Variants in USH2A observed in about 807,000 individuals in gnomAD.
USH2A encodes Usher syndrome 2A (autosomal recessive, mild).
USH2A carries 443 observed loss-of-function variants against 538.9 expected under a neutral mutation model. The observed-to-expected ratio is 0.82, with a 90% CI of 0.76 to 0.89. The LOEUF is 0.89. USH2A is among the 40% of genes least tolerant of loss of function. The pLI is 0.00. For synonymous variants in USH2A, 2,413 were observed against 2,273.5 expected (o/e 1.06, Z -1.75); for missense variants, 6,633 against 6,324.8 (o/e 1.05, Z -1.65).
intron 11 of USH2A, among the ~76,000 whole-genome samples, chr1:216,281,398 G>C (rs1002598514): frequency 1.3e-5 from 2 of 151,982 alleles, no homozygotes; most frequent in African/African-American, 2.4e-5. Flanking sequence ...AACCAAAAAA[G>C]TTAACATTTT....
Position 215,623,824 on chromosome 1 carries a change from C to CAAA in USH2A, c.*1954_*1956dup, listed in dbSNP as rs1325981044. ...TGATAAAGATACCTGGTTAATTTTT[C>CAAA]AAAAATCAGGATAAACTCAATCTTC... On this transcript the variant is annotated 3_prime_UTR_variant, in exon 72 of 72. Coordinates refer to ENST00000307340, the MANE Select transcript of USH2A (RefSeq NM_206933.4). 1 of 152,014 alleles carries CAAA rather than the reference C, an allele frequency of 6.6e-6. No homozygotes were observed. The highest frequency in any genetic ancestry group is 2.4e-5 in the African/African-American group (1 of 41,410). The allele number at this position is 152,014 out of a possible 1,614,324, so 9.4% of individuals were successfully genotyped here. A position where few individuals can be genotyped will look rare whatever the true frequency, so the allele number is the denominator to read the frequency against.
At chr1:216,332,695 T>C (rs1184041760) in intron 4 of USH2A, among the ~76,000 whole-genome samples, 5 of 152,104 alleles carry the variant, frequency 3.3e-5, no homozygotes, top group Admixed American at 3.3e-4. Context: ...TTTAAGAAAT[T>C]CTCTGTTCAG....
At position 216,299,578 on chromosome 1, in the gene USH2A, A is replaced by G. The variant is rs1209963296; in HGVS notation, c.1645-7208T>C. Among the ~76,000 whole-genome samples the G allele has an allele frequency of 2.6e-5, 4 of 152,162 alleles. No homozygotes were observed. In the East Asian group the frequency reaches 7.7e-4, roughly 29 times the overall value. On this transcript the variant is annotated intron_variant, in intron 9 of 71. Transcript: ENST00000307340. Reference sequence around the variant, plus strand: ...ATTTTTTCCACAGTGTACATTTATTACTAATGTATTAAAAATTGAGAGCAA... The same window carrying G: ...ATTTTTTCCACAGTGTACATTTATTGCTAATGTATTAAAAATTGAGAGCAA...
intron 9 of USH2A, among the ~76,000 whole-genome samples, chr1:216,314,318 A>G (rs1183588154): frequency 6.6e-6 from 1 of 152,180 alleles, no homozygotes; most frequent in African/African-American, 2.4e-5. Context: ...TAATATCATC[A>G]TGTCAGTGAG....
intron 19 of USH2A, among the ~76,000 whole-genome samples, chr1:216,195,121 T>G (rs2034809419): frequency 6.6e-6 from 1 of 152,134 alleles, no homozygotes; most frequent in African/African-American, 2.4e-5. Flanking sequence ...GAACACCAAA[T>G]AGCCATGCAG....
intron 61 of USH2A, among the ~76,000 whole-genome samples, chr1:215,704,804 A>G (rs1419128868): frequency 6.6e-6 from 1 of 152,162 alleles, no homozygotes; most frequent in Non-Finnish European, 1.5e-5. Flanking sequence ...CTCCATTTGG[A>G]AGAGTGTCTT....
At chr1:215,840,117 C>T (rs1408232425) in intron 46 of USH2A, among the ~76,000 whole-genome samples, 1 of 121,128 alleles carries the variant, frequency 8.3e-6, no homozygotes, top group Non-Finnish European at 1.6e-5. Flanking sequence ...GAGCCGAGAT[C>T]GTGCCAATGC....
intron 29 of USH2A, among the ~76,000 whole-genome samples, chr1:216,071,328 G>C (rs185865837): frequency 6.6e-6 from 1 of 152,310 alleles, no homozygotes; most frequent in East Asian, 1.9e-4. Flanking sequence ...TCTCTGAGCA[G>C]TTAAAACACT....
At chr1:216,273,077 C>CA (rs976958294) in intron 11 of USH2A, among the ~76,000 whole-genome samples, 4 of 151,860 alleles carry the variant, frequency 2.6e-5, no homozygotes, top group African/African-American at 9.7e-5. Flanking sequence ...AGAAGCCTCC[C>CA]AAAAAAAGCA....
chr1:216,038,941 T>C (rs1224516879), intron 32 of USH2A, among the ~76,000 whole-genome samples: 1 of 152,036 alleles, frequency 6.6e-6, no homozygotes, highest in African/African-American at 2.4e-5. Context: ...TTCCCTATCA[T>C]TTACGAACAT....
At chr1:215,655,725 CTTTTTTTTTTTTT>C (rs766225635) in intron 64 of USH2A, among the ~76,000 whole-genome samples, 5 of 96,192 alleles carry the variant, frequency 5.2e-5, no homozygotes, top group East Asian at 3.4e-4. Flanking sequence ...GCTAGTTATT[CTTTTTTTTTTTTT>C]TTTTTTTTTT....
chr1:216,421,385 C>T (rs1386523484), intron 2 of USH2A, among the ~76,000 whole-genome samples: 2 of 152,088 alleles, frequency 1.3e-5, no homozygotes, highest in Non-Finnish European at 2.9e-5. Context: ...AACAGCTCTT[C>T]TTGGGGAAAC....
intron 32 of USH2A, among the ~76,000 whole-genome samples, chr1:216,010,380 T>G (rs921040567): frequency 6.6e-6 from 1 of 152,122 alleles, no homozygotes; most frequent in Non-Finnish European, 1.5e-5. Context: ...GAAATCGGAC[T>G]GTTCAGCTCA....
chr1:215,682,050 G>A (rs1294619365), intron 61 of USH2A, among the ~76,000 whole-genome samples: 1 of 152,096 alleles, frequency 6.6e-6, no homozygotes, highest in Non-Finnish European at 1.5e-5. Flanking sequence ...GAACTAGAAT[G>A]ACCATAATGA....
At chr1:215,678,553 A>C (rs923285107) in intron 62 of USH2A, among the ~76,000 whole-genome samples, 1 of 152,240 alleles carries the variant, frequency 6.6e-6, no homozygotes, top group African/African-American at 2.4e-5. Context: ...ATGATATTCC[A>C]TTCTAAAATA....
chr1:215,687,379 TC>T (rs67150440), intron 61 of USH2A, among the ~76,000 whole-genome samples: 21,078 of 151,402 alleles, frequency 0.14, 1,634 homozygotes, highest in Middle Eastern at 0.16. Context: ...GTTTTTTTTT[TC>T]CTCTCTTTAG....
Position 216,070,171 on chromosome 1 carries a change from A to G in USH2A, c.5979T>C (p.Ser1993=), listed in dbSNP as rs781489954. ...VIEKYILKAY[S]EDSTRPPRMP... The stretch of plus-strand genomic sequence containing the variant: ...TGCGGGGTGGACGGGTGCTGTCCTC[A>G]CTATAGGCTTTCAGAATGTACTTCT... The change falls in exon 30 of 72, where the codon AGT becomes AGC. Residue 1993 remains serine (S), a synonymous_variant. Transcript: ENST00000307340. The G allele has an allele frequency of 1.2e-6, 2 of 1,613,908 alleles. No individual in the cohort carries two copies. Among genetic ancestry groups the G allele is most frequent in the African/African-American group, 2.7e-5 (2 of 74,902 alleles).
At chr1:216,345,284 G>T (rs903655811) in intron 4 of USH2A, among the ~76,000 whole-genome samples, 1 of 152,044 alleles carries the variant, frequency 6.6e-6, no homozygotes, top group Non-Finnish European at 1.5e-5. Flanking sequence ...TCCAACCAGG[G>T]GCAAATTTGA....
intron 61 of USH2A, among the ~76,000 whole-genome samples, chr1:215,685,570 T>C (rs1221273921): frequency 6.6e-6 from 1 of 151,990 alleles, no homozygotes; most frequent in Non-Finnish European, 1.5e-5. Flanking sequence ...CTTAGCCAGG[T>C]TGGTCTTGAA....
Sources: allele counts gnomAD v4.1 joint callset (sites outside exome capture counted in the v4.1 genomes callset), GRCh38; gene constraint gnomAD v4.1.1; transcripts MANE v1.5; gene names NCBI Gene and HGNC (gene_info 2026-07-23, HGNC 2026-07-21).